Variants in RHPN2 observed in about 807,000 individuals in gnomAD.
RHPN2 encodes the protein rhophilin-2.
A neutral mutation model predicts 79.0 loss-of-function variants in RHPN2; 40 were observed. That is an observed-to-expected ratio of 0.51 (90% CI 0.39 to 0.66). The LOEUF (loss-of-function observed/expected upper bound fraction) is 0.66, where lower values mean the gene tolerates loss of function less well. Among genes scored for constraint, RHPN2 ranks in the 30% least tolerant of loss-of-function variants. The probability of loss-of-function intolerance (pLI) is 0.00; values close to 1 mark genes in which losing one functional copy is unlikely to be tolerated. For missense variants in RHPN2, 686 were observed against 883.5 expected (o/e 0.78, Z 2.83); for synonymous variants, 285 against 363.5 (o/e 0.78, Z 2.46).
intron 1 of RHPN2, among the ~76,000 whole-genome samples, chr19:33,045,982 CATG>C (rs1304414564): frequency 6.6e-6 from 1 of 152,130 alleles, no homozygotes; most frequent in East Asian, 1.9e-4. Flanking sequence ...TTTCATTTGC[CATG>C]ATGTTCTCAA....
chr19:33,046,643 A>G (rs116334700), intron 1 of RHPN2, among the ~76,000 whole-genome samples: 221 of 152,244 alleles, frequency 1.5e-3, no homozygotes, highest in African/African-American at 5.1e-3. Context: ...CAATTTTACA[A>G]CCCAACTAAC....
intron 1 of RHPN2, among the ~76,000 whole-genome samples, chr19:33,050,280 T>C (rs1470970442): frequency 1.3e-5 from 2 of 152,134 alleles, no homozygotes; most frequent in East Asian, 3.8e-4. Flanking sequence ...GAAACAGATT[T>C]GGCGATGTCA....
At position 33,002,421 on chromosome 19, in the gene RHPN2, C is replaced by T. The variant is rs1274120488; in HGVS notation, c.949-18G>A. Reference sequence around the variant, plus strand: ...TCTCCCACCTGAAATAGAAGGGACACTGGGAAGGGGCAGCCCGGCACAAGG... The same window carrying T: ...TCTCCCACCTGAAATAGAAGGGACATTGGGAAGGGGCAGCCCGGCACAAGG... On this transcript the variant is annotated intron_variant, in intron 8 of 14. Coordinates refer to ENST00000254260, the MANE Select transcript of RHPN2 (RefSeq NM_033103.5). The T allele has an allele frequency of 1.9e-6, 3 of 1,613,780 alleles. No homozygotes were observed. The highest frequency in any genetic ancestry group is 2.5e-6 in the Non-Finnish European group (3 of 1,179,808).
Position 32,991,943 on chromosome 19 carries a change from G to C in RHPN2, c.1524C>G (p.Asn508Lys). 6.2e-7 allele frequency: 1 copy of C among 1,613,980 alleles called. No individual in the cohort carries two copies. Among genetic ancestry groups the C allele is most frequent in the African/African-American group, 1.3e-5 (1 of 75,060 alleles). ...KLGPLSVFSA[N>K]KRWTPPRSIR... ...TGCTTCGAGGAGGCGTCCACCGCTT[G>C]TTAGCCGAAAACACAGATAAGGGGC... Residue 508 changes from asparagine to lysine, a missense_variant, in exon 13 of 15, where the codon AAC becomes AAG. By Grantham distance (94) the Asn-to-Lys change is moderately conservative. Coordinates refer to ENST00000254260, the MANE Select transcript of RHPN2 (RefSeq NM_033103.5).
At chr19:33,042,080 T>C (rs1283071764) in intron 2 of RHPN2, among the ~76,000 whole-genome samples, 1 of 151,682 alleles carries the variant, frequency 6.6e-6, no homozygotes, top group Non-Finnish European at 1.5e-5. Context: ...TCCCAGCTAT[T>C]TGGGAGGCTG....
rs771415358 is a variant in RHPN2 at position 32,989,021 on chromosome 19, A to G, written c.1800+1493T>C. ...TGAATGAATAAATGAGTGTTGTTAC[A>G]GAGGGAAGGTCGAGGGTACATCATT... On this transcript the variant is annotated intron_variant, in intron 14 of 14. Coordinates refer to ENST00000254260, the MANE Select transcript of RHPN2 (RefSeq NM_033103.5). Among the ~76,000 whole-genome samples the G allele has an allele frequency of 3.5e-4, 53 of 152,206 alleles. 1 individual carries two copies. Among genetic ancestry groups the G allele is most frequent in the Non-Finnish European group, 1.3e-4 (9 of 68,052 alleles).
chr19:33,000,593 G>T (rs1971741439), intron 9 of RHPN2, among the ~76,000 whole-genome samples: 1 of 151,984 alleles, frequency 6.6e-6, no homozygotes. Context: ...GCATAGCCCA[G>T]ACCCTGTCAT....
At chr19:33,037,045 G>A (rs1415355532) in intron 2 of RHPN2, among the ~76,000 whole-genome samples, 1 of 152,246 alleles carries the variant, frequency 6.6e-6, no homozygotes, top group Non-Finnish European at 1.5e-5. Flanking sequence ...GGATCCACTG[G>A]GTGAAGCCAG....
intron 2 of RHPN2, among the ~76,000 whole-genome samples, chr19:33,033,792 G>C (rs892042417): frequency 2.0e-5 from 3 of 151,728 alleles, no homozygotes; most frequent in African/African-American, 7.3e-5. Context: ...GCTTGAACCC[G>C]GGAGGCACAG....
At chr19:33,059,216 C>A (rs1972259230) in intron 1 of RHPN2, among the ~76,000 whole-genome samples, 1 of 152,120 alleles carries the variant, frequency 6.6e-6, no homozygotes, top group South Asian at 2.1e-4. Context: ...CGCCTCGACT[C>A]CTGGGCCCCA....
chr19:33,011,776 C>T lies in RHPN2; in HGVS notation c.496G>A (p.Ala166Thr). ...TATGTCATCAGCAGTTCCACCCCGG[C>T]CTCATCCCGGCTAGGCGTCCGACAA... ...QACRTPSRDE[A>T]GVELLMTYFI... is the part of the protein sequence containing the mutation. Residue 166 changes from alanine to threonine, a missense_variant, in exon 6 of 15, where the codon GCC becomes ACC. By Grantham distance (58) the Ala-to-Thr change is moderately conservative (BLOSUM62 0). Coordinates refer to ENST00000254260, the MANE Select transcript of RHPN2 (RefSeq NM_033103.5). The T allele has an allele frequency of 6.2e-7, 1 of 1,613,986 alleles. No homozygotes were observed. Among genetic ancestry groups the T allele is most frequent in the Non-Finnish European group, 8.5e-7 (1 of 1,179,860 alleles).
chr19:33,026,470 A>G (rs73039418), intron 3 of RHPN2, 34 bp downstream of exon 3: 41,279 of 1,603,814 alleles, frequency 0.026, 578 homozygotes, highest in Non-Finnish European at 0.031. Context: ...TCTCTGGCTC[A>G]GAGGCTTTTG....
chr19:32,990,086 C>T (rs1229577568), intron 14 of RHPN2, among the ~76,000 whole-genome samples: 2 of 145,420 alleles, frequency 1.4e-5, no homozygotes, highest in African/African-American at 5.2e-5. Flanking sequence ...GCCTGGGTGA[C>T]AGAGCGAGAC....
intron 2 of RHPN2, among the ~76,000 whole-genome samples, chr19:33,036,210 G>A (rs1477790095): frequency 6.8e-6 from 1 of 147,326 alleles, no homozygotes; most frequent in East Asian, 2.0e-4. Context: ...TTTTGGTGAC[G>A]GGAGTCTTGC....
intron 2 of RHPN2, among the ~76,000 whole-genome samples, chr19:33,043,766 A>G (rs1400088401): frequency 6.6e-6 from 1 of 152,144 alleles, no homozygotes; most frequent in African/African-American, 2.4e-5. Flanking sequence ...AGAGCATACT[A>G]ATGAGTGCCC....
Position 32,999,663 on chromosome 19 carries a change from G to A in RHPN2, c.1148C>T (p.Ser383Phe). The A allele has an allele frequency of 6.2e-7, 1 of 1,613,082 alleles. No individual in the cohort carries two copies. Among genetic ancestry groups the A allele is most frequent in the Non-Finnish European group, 8.5e-7 (1 of 1,179,370 alleles). Reference sequence around the variant, plus strand: ...CTCTGGCATGTGGTCGTAGAGCTGGGACAGGCACTTCTCCTGGTGGTCCAG... The same window carrying A: ...CTCTGGCATGTGGTCGTAGAGCTGGAACAGGCACTTCTCCTGGTGGTCCAG... ...TDLDHQEKCLSQLYDHMPEGL... is the reference protein window; with the variant it reads ...TDLDHQEKCLFQLYDHMPEGL... Residue 383 changes from serine to phenylalanine, a missense_variant, in exon 10 of 15, where the codon TCC becomes TTC. Transcript: ENST00000254260.
chr19:33,056,819 T>G (rs1818080985), intron 1 of RHPN2, among the ~76,000 whole-genome samples: 1 of 151,704 alleles, frequency 6.6e-6, no homozygotes, highest in South Asian at 2.1e-4. Flanking sequence ...CCCAAAGAGT[T>G]CGAGACCAGG....
At chr19:32,996,761 C>G (rs1171551278) in intron 10 of RHPN2, among the ~76,000 whole-genome samples, 2 of 151,984 alleles carry the variant, frequency 1.3e-5, no homozygotes, top group Non-Finnish European at 2.9e-5. Context: ...TTCTTCGGGC[C>G]CGAGAGAATT....
At chr19:33,027,198 G>A (rs187055511) in intron 2 of RHPN2, 110 of 148,210 alleles carry the variant, frequency 7.4e-4, no homozygotes, top group African/African-American at 2.9e-3. Flanking sequence ...GCAGTGAGCT[G>A]AGATTATGCC....
Sources: allele counts gnomAD v4.1 joint callset (sites outside exome capture counted in the v4.1 genomes callset), GRCh38; gene constraint gnomAD v4.1.1; transcripts MANE v1.5; gene names NCBI Gene and HGNC (gene_info 2026-07-23, HGNC 2026-07-21).